LAMA4: variants seen among roughly 807,000 people sequenced by gnomAD.
LAMA4 encodes laminin subunit alpha 4.
LAMA4 carries 127 observed loss-of-function variants against 207.1 expected under a neutral mutation model. The ratio of observed to expected loss-of-function variants is 0.61; its 90% confidence interval spans 0.53 to 0.71. The LOEUF (loss-of-function observed/expected upper bound fraction) is 0.71, where lower values mean the gene tolerates loss of function less well. Ranked by LOEUF, LAMA4 falls within the 30% of genes least tolerant of loss-of-function variation. LAMA4 has a pLI of 0.00. For missense variants in LAMA4, 2,093 were observed against 2,246.5 expected, an observed-to-expected ratio of 0.93 and a Z score of 1.38; for synonymous variants, 761 against 816.0, an observed-to-expected ratio of 0.93 and a Z score of 1.15.
intron 15 of LAMA4, chr6:112,155,235 T>C (rs532252983): frequency 3.5e-6 from 2 of 565,526 alleles, no homozygotes; most frequent in South Asian, 4.4e-5. Context: ...ATAAATAATT[T>C]TGAGTTGAAA....
chr6:112,138,135 T>C (rs1348895882), intron 24 of LAMA4, among the ~76,000 whole-genome samples: 5 of 152,162 alleles, frequency 3.3e-5, no homozygotes, highest in African/African-American at 1.2e-4. Context: ...TAGAAAAATA[T>C]TTCAAATAAA....
At chr6:112,228,171 C>G (rs1785331461) in intron 2 of LAMA4, among the ~76,000 whole-genome samples, 1 of 152,208 alleles carries the variant, frequency 6.6e-6, no homozygotes, top group South Asian at 2.1e-4. Flanking sequence ...GAGTAACCCA[C>G]AAGCTCAGGC....
Position 112,161,190 on chromosome 6 carries a change from C to T in LAMA4, c.1669-2310G>A, listed in dbSNP as rs560748260. 1.8e-4 allele frequency among the ~76,000 whole-genome samples: 28 copies of T among 152,300 alleles called. 1 individual carries two copies. The South Asian group carries it at 5.4e-3, about 29-fold the overall frequency. Reference sequence around the variant, plus strand: ...TCAAATATCACTTCCTTTTTGAGGCCATCCCTAACCTCCTCAGGATGAGTT... The same window carrying T: ...TCAAATATCACTTCCTTTTTGAGGCTATCCCTAACCTCCTCAGGATGAGTT... On this transcript the variant is annotated intron_variant, in intron 13 of 38. Coordinates refer to ENST00000230538, the MANE Select transcript of LAMA4 (RefSeq NM_001105206.3).
intron 2 of LAMA4, chr6:112,251,653 A>T (rs1554189877): frequency 6.6e-6 from 1 of 152,226 alleles, no homozygotes; most frequent in African/African-American, 2.4e-5. Context: ...AAGTCTCCGG[A>T]ATGTATTTGG....
At chr6:112,130,245 T>C (rs2114642131) in intron 29 of LAMA4, 1 of 582,916 alleles carries the variant, frequency 1.7e-6, no homozygotes, top group East Asian at 2.9e-5. Flanking sequence ...AAACCAAGAT[T>C]GGAATTTAAA....
chr6:112,155,298 A>G lies in LAMA4; in HGVS notation c.1959+267T>C, dbSNP rs1412229871. On this transcript the variant is annotated intron_variant, in intron 15 of 38. Coordinates refer to ENST00000230538, the MANE Select transcript of LAMA4 (RefSeq NM_001105206.3). ...TTCTCTATCAGCAAGAACTAATTTT[A>G]AATACATATTTTTTTTTTCAGGGAC... 21 of 568,352 alleles carry G rather than the reference A, an allele frequency of 3.7e-5. No individual in the cohort carries two copies. The Admixed American group carries it at 6.5e-4, about 18-fold the overall frequency. The allele number at this position is 568,352 out of a possible 1,614,324, so 35.2% of individuals were successfully genotyped here.
chr6:112,130,259 G>T (rs113167347), intron 29 of LAMA4: 1 of 559,514 alleles, frequency 1.8e-6, no homozygotes, highest in Non-Finnish European at 3.2e-6. Flanking sequence ...ATTTAAACCC[G>T]TAAGGCAAGA....
At position 112,118,946 on chromosome 6, in the gene LAMA4, CT is replaced by C. The variant is rs1778186824; in HGVS notation, c.4821+209del. On this transcript the variant is annotated intron_variant, in intron 34 of 38. Coordinates refer to ENST00000230538, the MANE Select transcript of LAMA4 (RefSeq NM_001105206.3). The surrounding 1 kb of genome is among the most constrained non-coding windows in gnomAD (Gnocchi z 4.6). ...TGAAACTTTTTCATTTGACATCTAC[CT>C]TAGAATTGAAAGATTACTTCTGACT... 6.6e-6 allele frequency among the ~76,000 whole-genome samples: 1 copy of C among 152,056 alleles called. No individual in the cohort carries two copies. Among genetic ancestry groups the C allele is most frequent in the African/African-American group, 2.4e-5 (1 of 41,396 alleles).
intron 3 of LAMA4, among the ~76,000 whole-genome samples, chr6:112,215,575 C>A (rs1784577252): frequency 6.6e-6 from 1 of 152,198 alleles, no homozygotes; most frequent in Admixed American, 6.5e-5. Context: ...CTGTATCACA[C>A]AGCTCACGAA....
intron 5 of LAMA4, chr6:112,200,154 T>C (rs781812569): frequency 1.9e-6 from 1 of 533,258 alleles, no homozygotes; most frequent in Non-Finnish European, 3.8e-6. Context: ...GTGGAAAGCC[T>C]CTCGTGCTCT....
intron 14 of LAMA4, chr6:112,157,840 G>C (rs1441815180): frequency 6.6e-6 from 1 of 152,078 alleles, no homozygotes; most frequent in Non-Finnish European, 1.5e-5. Context: ...GATACCGAGT[G>C]GGATATGGCA....
At chr6:112,112,924 A>T (rs943510654) in intron 38 of LAMA4, among the ~76,000 whole-genome samples, 2 of 152,202 alleles carry the variant, frequency 1.3e-5, no homozygotes, top group Non-Finnish European at 2.9e-5. Flanking sequence ...CAGAAAGACA[A>T]ATATCATGTG....
chr6:112,200,278 A>G (rs1268408660), intron 5 of LAMA4: 1 of 435,540 alleles, frequency 2.3e-6, no homozygotes, highest in Non-Finnish European at 4.6e-6. Flanking sequence ...AACATATGAA[A>G]AAAAGCTCAT....
chr6:112,201,532 T>C (rs1783745277), intron 5 of LAMA4, 76 bp downstream of exon 5: 10 of 1,173,728 alleles, frequency 8.5e-6, no homozygotes, highest in South Asian at 8.5e-5. Context: ...AATGGGAGTA[T>C]GGCAGAGCTG....
chr6:112,115,200 T>C (rs1777943933), intron 36 of LAMA4, among the ~76,000 whole-genome samples: 1 of 152,162 alleles, frequency 6.6e-6, no homozygotes, highest in African/African-American at 2.4e-5. Flanking sequence ...TGAGTTAATC[T>C]AGGTAAAGCT....
intron 13 of LAMA4, among the ~76,000 whole-genome samples, chr6:112,161,223 G>A (rs782663840): frequency 1.3e-5 from 2 of 152,114 alleles, no homozygotes; most frequent in South Asian, 2.1e-4. Flanking sequence ...GTTAAGTGTT[G>A]CCATGTGTTT....
chr6:112,146,887 A>G (rs1413003668), intron 18 of LAMA4, among the ~76,000 whole-genome samples: 3 of 152,212 alleles, frequency 2.0e-5, no homozygotes, highest in Non-Finnish European at 4.4e-5. Flanking sequence ...GTCTTTAAAA[A>G]CTAGAGATAA....
chr6:112,120,874 C>G (rs1460655212), intron 32 of LAMA4, among the ~76,000 whole-genome samples: 1 of 151,914 alleles, frequency 6.6e-6, no homozygotes, highest in Non-Finnish European at 1.5e-5. Flanking sequence ...GAGTTCAAGA[C>G]CAGCTTGGGC....
Position 112,114,668 on chromosome 6 carries a change from A to G in LAMA4, c.5201T>C (p.Ile1734Thr). The G allele has an allele frequency of 1.9e-6, 3 of 1,609,772 alleles. No individual in the cohort carries two copies. Among genetic ancestry groups the G allele is most frequent in the Non-Finnish European group, 2.6e-6 (3 of 1,176,182 alleles). The change falls in exon 37 of 39, where the codon ATT (isoleucine) becomes ACT (threonine). Residue 1734 changes from isoleucine (I) to threonine (T), a missense_variant. Coordinates refer to ENST00000230538, the MANE Select transcript of LAMA4 (RefSeq NM_001105206.3). ...QSLCDGRWHRITVIRDSNVVQ... is the reference protein window; with the variant it reads ...QSLCDGRWHRTTVIRDSNVVQ... ...AGGGCAGTCAGTTTTCTCACCTGTA[A>G]TTCTGTGCCATCTGCCATCACAGAG...
Sources: allele counts gnomAD v4.1 joint callset (sites outside exome capture counted in the v4.1 genomes callset), GRCh38; gene constraint gnomAD v4.1.1; non-coding constraint Gnocchi (gnomAD v3.1); transcripts MANE v1.5; gene names NCBI Gene and HGNC (gene_info 2026-07-23, HGNC 2026-07-21).